Variants in RLF observed in about 807,000 individuals in gnomAD.
The protein encoded by RLF is RLF zinc finger, also known as zinc finger protein Rlf.
In RLF, 7 loss-of-function variants were observed where a neutral mutation model predicts 162.9. The observed-to-expected ratio is 0.04, with a 90% CI of 0.02 to 0.08. The LOEUF (loss-of-function observed/expected upper bound fraction) is 0.08. Among genes scored for constraint, RLF ranks in the 10% least tolerant of loss-of-function variants. The pLI, the probability that RLF is intolerant of heterozygous loss-of-function variation, is 1.00. For missense variants in RLF, 1,664 were observed against 2,244.7 expected (o/e 0.74, Z 5.23); for synonymous variants, 782 against 791.5 (o/e 0.99, Z 0.20).
At chr1:40,227,728 G>A (rs1400519988) in intron 6 of RLF, among the ~76,000 whole-genome samples, 1 of 152,162 alleles carries the variant, frequency 6.6e-6, no homozygotes, top group Non-Finnish European at 1.5e-5. Flanking sequence ...TGAGTGGCCA[G>A]GCATGGTGGT....
At position 40,239,313 on chromosome 1, in the gene RLF, C is replaced by G; in HGVS notation, c.4611C>G (p.Leu1537=). ...PISFKTRAEA[L]HMCVEHSEHT... ...GTTTTAAAACCAGAGCTGAGGCCCT[C>G]CATATGTGTGTGGAGCACTCTGAGC... The change falls in exon 8 of 8, where the codon CTC becomes CTG. Residue 1537 remains leucine, a synonymous_variant. Coordinates refer to ENST00000372771, the MANE Select transcript of RLF (RefSeq NM_012421.4). The G allele has an allele frequency of 1.2e-6, 2 of 1,614,078 alleles. No individual in the cohort carries two copies. Among genetic ancestry groups the G allele is most frequent in the South Asian group, 1.1e-5 (1 of 91,074 alleles).
Position 40,236,826 on chromosome 1 carries a change from T to C in RLF, c.2124T>C (p.Asp708=), listed in dbSNP as rs1643223452. ...ATGAAAATGCCAAGCACTACTTGGATATGAAAAATAGAAGAGAGAAGTGTA... is the reference window on the plus strand; with the variant it reads ...ATGAAAATGCCAAGCACTACTTGGACATGAAAAATAGAAGAGAGAAGTGTA... ...NNDENAKHYL[D]MKNRREKCTY... Residue 708 remains aspartate, a synonymous_variant, in exon 8 of 8, where the codon GAT becomes GAC. Coordinates refer to ENST00000372771, the MANE Select transcript of RLF (RefSeq NM_012421.4). This position sits in a 1 kb window ranked among gnomAD's most constrained non-coding sequence, Gnocchi z 7.7. 1.9e-6 allele frequency: 3 copies of C among 1,614,130 alleles called. No individual in the cohort carries two copies. Among genetic ancestry groups the C allele is most frequent in the East Asian group, 4.5e-5 (2 of 44,880 alleles).
intron 5 of RLF, among the ~76,000 whole-genome samples, chr1:40,217,979 A>AG (rs1375504197): frequency 2.0e-5 from 3 of 152,192 alleles, no homozygotes; most frequent in Non-Finnish European, 2.9e-5. Flanking sequence ...ACTGGTTATC[A>AG]TTGAGTTGTA....
intron 1 of RLF, among the ~76,000 whole-genome samples, chr1:40,170,330 T>C (rs1188905506): frequency 6.6e-6 from 1 of 152,140 alleles, no homozygotes; most frequent in Non-Finnish European, 1.5e-5. Flanking sequence ...CACAGCTCAC[T>C]GTAGCCTTGT....
At chr1:40,234,105 T>A (rs374107399) in intron 7 of RLF, among the ~76,000 whole-genome samples, 1 of 152,190 alleles carries the variant, frequency 6.6e-6, no homozygotes, top group Non-Finnish European at 1.5e-5. Flanking sequence ...TGCATCACCA[T>A]GCCTGGCTAA....
chr1:40,185,891 T>G (rs1358365008), intron 1 of RLF, among the ~76,000 whole-genome samples: 1 of 143,922 alleles, frequency 6.9e-6, no homozygotes, highest in Non-Finnish European at 1.5e-5. Context: ...GCGAGGTGGC[T>G]TTTGCCTGTA....
Position 40,200,981 on chromosome 1 carries a change from A to C in RLF, c.608-1431A>C, listed in dbSNP as rs115440273. Among the ~76,000 whole-genome samples, 453 of 95,432 alleles carry C rather than the reference A, an allele frequency of 4.7e-3. 21 individuals are homozygous for C. Among genetic ancestry groups the C allele is most frequent in the African/African-American group, 0.021 (399 of 18,772 alleles). The allele number at this position is 95,432 out of a possible 152,430, so 62.6% of individuals were successfully genotyped here. ...TAAACCATTGCTACTCTACACACAC[A>C]CACCCCAGTGGTTTATCCTTAGTAT... On this transcript the variant is annotated intron_variant, in intron 4 of 7. Transcript: ENST00000372771.
chr1:40,209,322 A>G lies in RLF; in HGVS notation c.810+6708A>G, dbSNP rs563855224. 1.5e-3 allele frequency among the ~76,000 whole-genome samples: 224 copies of G among 152,358 alleles called. 1 individual carries two copies. The highest frequency in any genetic ancestry group is 3.8e-3 in the Admixed American group (58 of 15,308). The stretch of plus-strand genomic sequence containing the variant: ...GCTTTATTTTCCTTATCTATAAAGT[A>G]GGCACAACAGTAGTAGCCGTCTCAC... On this transcript the variant is annotated intron_variant, in intron 5 of 7. Transcript: ENST00000372771.
At chr1:40,225,551 C>T (rs1643058129) in intron 6 of RLF, among the ~76,000 whole-genome samples, 1 of 138,576 alleles carries the variant, frequency 7.2e-6, no homozygotes, top group African/African-American at 2.9e-5. Context: ...TGCACTGCAG[C>T]CTGGGTGACA....
intron 5 of RLF, among the ~76,000 whole-genome samples, chr1:40,221,966 A>ATT (rs999684735): frequency 6.7e-6 from 1 of 150,034 alleles, no homozygotes; most frequent in African/African-American, 2.4e-5. Flanking sequence ...TGTCCAGAGG[A>ATT]TTTTTATTTG....
chr1:40,198,144 C>T (rs1281860983), intron 4 of RLF, among the ~76,000 whole-genome samples: 4 of 151,646 alleles, frequency 2.6e-5, no homozygotes, highest in Admixed American at 6.6e-5. Context: ...GCTGGGATTA[C>T]AGGCATGCGC....
intron 4 of RLF, among the ~76,000 whole-genome samples, chr1:40,200,937 C>CA (rs1353422735): frequency 1.8e-5 from 2 of 111,446 alleles, no homozygotes; most frequent in African/African-American, 7.9e-5. Context: ...CACACACACA[C>CA]ACTGGTTTAT....
chr1:40,191,406 C>T (rs797006276), intron 3 of RLF, among the ~76,000 whole-genome samples: 13 of 152,000 alleles, frequency 8.6e-5, no homozygotes, highest in African/African-American at 2.9e-4. Context: ...GGCATGGTGG[C>T]GGACACCTGT....
chr1:40,210,356 A>G (rs147034422), intron 5 of RLF, among the ~76,000 whole-genome samples: 80 of 152,286 alleles, frequency 5.3e-4, no homozygotes, highest in African/African-American at 1.9e-3. Context: ...TGGAGCTTTA[A>G]GTAATGGTGG....
intron 1 of RLF, among the ~76,000 whole-genome samples, chr1:40,185,865 A>AC (rs1557742550): frequency 2.8e-5 from 3 of 107,868 alleles, no homozygotes; most frequent in Non-Finnish European, 6.1e-5. Flanking sequence ...AAAAAAAAAA[A>AC]CCACAAAGGC....
At chr1:40,207,108 C>T (rs145973844) in intron 5 of RLF, among the ~76,000 whole-genome samples, 49 of 152,250 alleles carry the variant, frequency 3.2e-4, no homozygotes, top group South Asian at 1.0e-3. Context: ...GTATTTCCTC[C>T]CACTAGATTG....
intron 1 of RLF, among the ~76,000 whole-genome samples, chr1:40,178,770 C>T (rs1446269365): frequency 1.3e-5 from 2 of 151,082 alleles, no homozygotes; most frequent in African/African-American, 4.9e-5. Context: ...GCAGTCCTCC[C>T]GCCTTGGCCT....
At chr1:40,194,235 A>G (rs995505225) in intron 3 of RLF, among the ~76,000 whole-genome samples, 1 of 152,202 alleles carries the variant, frequency 6.6e-6, no homozygotes, top group African/African-American at 2.4e-5. Context: ...AATTTAAACA[A>G]TTATATAATG....
In RLF at chr1:40,236,243, A is replaced by G. The variant is rs777309904; in HGVS notation, c.1541A>G (p.Tyr514Cys). The change falls in exon 8 of 8, where the codon TAT becomes TGT. Residue 514 changes from tyrosine (Y) to cysteine (C), a missense_variant. Around this residue, in one of 15 missense-constraint regions of RLF, gnomAD observed 54 missense variants for 71.7 expected, o/e 0.75. Transcript: ENST00000372771. The surrounding 1 kb of genome is among the most constrained non-coding windows in gnomAD (Gnocchi z 7.7). ...TDVLESFLSD[Y>C]DEGKEDKQYR... ...GTTTTAGAGTCATTTCTCAGTGACT[A>G]TGATGAGGGTAAAGAAGATAAACAA... 3 of 1,613,594 alleles carry G rather than the reference A, an allele frequency of 1.9e-6. No individual in the cohort carries two copies. The highest frequency in any genetic ancestry group is 1.1e-5 in the South Asian group (1 of 91,072).
Sources: allele counts gnomAD v4.1 joint callset (sites outside exome capture counted in the v4.1 genomes callset), GRCh38; gene constraint gnomAD v4.1.1; regional missense constraint gnomAD v4.1.1; non-coding constraint Gnocchi (gnomAD v3.1); transcripts MANE v1.5; gene names NCBI Gene and HGNC (gene_info 2026-07-23, HGNC 2026-07-21).